ME1: variants seen among roughly 807,000 people sequenced by gnomAD.
ME1 encodes NADP-dependent malic enzyme.
ME1 carries 74 observed loss-of-function variants against 66.4 expected under a neutral mutation model. The ratio of observed to expected loss-of-function variants is 1.11; its 90% CI spans 0.92 to 1.35. The LOEUF (loss-of-function observed/expected upper bound fraction) is 1.35, where lower values mean the gene tolerates loss of function less well. ME1 is among the 40% of genes most tolerant of loss of function. The pLI, the probability that ME1 is intolerant of heterozygous loss-of-function variation, is 0.00. For synonymous variants in ME1, 251 were observed against 235.6 expected (o/e 1.07, Z -0.60); for missense variants, 750 against 694.1 (o/e 1.08, Z -0.90).
chr6:83,229,617 A>G (rs1790260408), intron 9 of ME1, among the ~76,000 whole-genome samples: 2 of 152,216 alleles, frequency 1.3e-5, no homozygotes, highest in African/African-American at 4.8e-5. Context: ...AAGTATAAGT[A>G]TAGTCATTTT....
rs958692011 is a variant in ME1 at position 83,227,398 on chromosome 6, A to G, written c.1212T>C (p.Phe404=). ...MAAFNERPII[F]ALSNPTSKAE... ...CTTTGCTAGTTGGATTACTCAAAGC[A>G]AAAATAATAGGCCGTTCATTGAAGG... Residue 404 remains phenylalanine, a synonymous_variant, in exon 11 of 14, where the codon TTT becomes TTC. Coordinates refer to ENST00000369705, the MANE Select transcript of ME1 (RefSeq NM_002395.6). 1.2e-6 allele frequency: 2 copies of G among 1,607,436 alleles called. No homozygotes were observed. Among genetic ancestry groups the G allele is most frequent in the Non-Finnish European group, 8.5e-7 (1 of 1,175,674 alleles).
chr6:83,405,611 C>T (rs551930350), intron 2 of ME1, among the ~76,000 whole-genome samples: 65 of 152,028 alleles, frequency 4.3e-4, no homozygotes, highest in Non-Finnish European at 5.1e-4. Flanking sequence ...TTCCAGCTTT[C>T]GCCCACTCAG....
At chr6:83,329,903 T>C (rs1583385063) in intron 5 of ME1, among the ~76,000 whole-genome samples, 1 of 152,156 alleles carries the variant, frequency 6.6e-6, no homozygotes, top group Admixed American at 6.6e-5. Flanking sequence ...CAGCTCACTA[T>C]AGCCTCGAAC....
chr6:83,373,126 TTAAA>T (rs1490892096), intron 3 of ME1, among the ~76,000 whole-genome samples: 25 of 152,242 alleles, frequency 1.6e-4, no homozygotes, highest in Non-Finnish European at 7.3e-5. Context: ...TTTATTCCTG[TTAAA>T]TAACCCTCAT....
intron 3 of ME1, among the ~76,000 whole-genome samples, chr6:83,373,032 G>C (rs1046377573): frequency 5.9e-5 from 9 of 152,138 alleles, no homozygotes; most frequent in Non-Finnish European, 1.0e-4. Flanking sequence ...AAAACCTGCA[G>C]ATAAAAATTT....
At chr6:83,396,699 T>C (rs1321630861) in intron 3 of ME1, among the ~76,000 whole-genome samples, 2 of 151,928 alleles carry the variant, frequency 1.3e-5, no homozygotes, top group African/African-American at 4.8e-5. Context: ...AAGCTAGAGG[T>C]ATCATACTAC....
rs1583320841 is a variant in ME1, at chr6:83,211,709, C to T, written c.*215G>A. The T allele has an allele frequency of 2.7e-6, 1 of 368,288 alleles. No individual in the cohort carries two copies. The highest frequency in any genetic ancestry group is 4.8e-6 in the Non-Finnish European group (1 of 207,126). 22.8% of individuals were successfully genotyped at this position (368,288 alleles called of 1,614,324 possible). A position where few individuals can be genotyped will look rare whatever the true frequency, so the allele number is the denominator to read the frequency against. ...GAGAACGTAGGCAGAATAATTCAGA[C>T]AGAAACCATAAATAACCAGAAGGCA... On this transcript the variant is annotated 3_prime_UTR_variant, in exon 14 of 14. Transcript: ENST00000369705.
intron 11 of ME1, among the ~76,000 whole-genome samples, chr6:83,224,547 G>A (rs1790149497): frequency 6.6e-6 from 1 of 151,358 alleles, no homozygotes; most frequent in South Asian, 2.1e-4. Context: ...GCTGGGGAGT[G>A]GTGGTGGGTG....
chr6:83,357,510 T>C (rs1031644710), intron 3 of ME1, among the ~76,000 whole-genome samples: 7 of 152,114 alleles, frequency 4.6e-5, no homozygotes, highest in Non-Finnish European at 1.0e-4. Flanking sequence ...TTTTGAGATA[T>C]CCCAATTGTG....
chr6:83,301,656 CAGA>C lies in ME1; in HGVS notation c.704+13651_704+13653del, dbSNP rs559805775. ...CTGTGCTCAGCCAACAAATATTTTT[CAGA>C]AGAAGATATATATGCAGCCAACAAA... On this transcript the variant is annotated intron_variant, in intron 6 of 13. Transcript: ENST00000369705. 4.0e-4 allele frequency among the ~76,000 whole-genome samples: 61 copies of C among 152,148 alleles called. 2 individuals are homozygous for C. In the South Asian group the frequency reaches 7.5e-3, roughly 19 times the overall value.
At chr6:83,218,143 T>A (rs1790026841) in intron 12 of ME1, among the ~76,000 whole-genome samples, 1 of 152,152 alleles carries the variant, frequency 6.6e-6, no homozygotes, top group African/African-American at 2.4e-5. Context: ...AGGACAAAGA[T>A]ACGTTAACTA....
At chr6:83,230,129 T>G (rs74759113) in intron 9 of ME1, among the ~76,000 whole-genome samples, 1 of 111,690 alleles carries the variant, frequency 9.0e-6, no homozygotes, top group Non-Finnish European at 1.8e-5. Context: ...CCAGGCTCTG[T>G]TTTTTTTTGT....
At chr6:83,292,758 G>C (rs1042119461) in intron 6 of ME1, among the ~76,000 whole-genome samples, 14 of 152,192 alleles carry the variant, frequency 9.2e-5, no homozygotes, top group Non-Finnish European at 1.9e-4. Context: ...AGTAGGCCTT[G>C]CTGAGATGTG....
Position 83,372,984 on chromosome 6 carries a change from C to A in ME1, c.363-20845G>T, listed in dbSNP as rs144781789. On this transcript the variant is annotated intron_variant, in intron 3 of 13. Transcript: ENST00000369705. ...TGAATGTTTTAACATAAATAGAATACTTTCCAAAACTACTAAATATTCCCA... is the reference window on the plus strand; with the variant it reads ...TGAATGTTTTAACATAAATAGAATAATTTCCAAAACTACTAAATATTCCCA... Among the ~76,000 whole-genome samples, 696 of 152,216 alleles carry A rather than the reference C, an allele frequency of 4.6e-3. 2 individuals carry two copies. The highest frequency in any genetic ancestry group is 0.015 in the African/African-American group (638 of 41,526).
intron 5 of ME1, among the ~76,000 whole-genome samples, chr6:83,331,477 C>T (rs1402392983): frequency 6.6e-6 from 1 of 151,664 alleles, no homozygotes; most frequent in Admixed American, 6.6e-5. Context: ...ATCCCAGCTA[C>T]TCAGGAGGCT....
chr6:83,333,961 A>G (rs1364870020), intron 5 of ME1, among the ~76,000 whole-genome samples: 2 of 152,118 alleles, frequency 1.3e-5, no homozygotes, highest in Non-Finnish European at 2.9e-5. Flanking sequence ...GGGGGGGAGG[A>G]GCCAAGATGG....
intron 1 of ME1, among the ~76,000 whole-genome samples, chr6:83,410,248 C>A (rs1043577265): frequency 3.9e-5 from 6 of 151,972 alleles, no homozygotes; most frequent in Non-Finnish European, 8.8e-5. Context: ...ATTTATAATT[C>A]ATTAGAATTT....
chr6:83,255,215 A>C (rs1032811839), intron 6 of ME1, among the ~76,000 whole-genome samples: 1 of 151,070 alleles, frequency 6.6e-6, no homozygotes, highest in African/African-American at 2.4e-5. Context: ...TTCTATGTCT[A>C]TTTGTCATTT....
chr6:83,407,184 A>C (rs1769962336), intron 2 of ME1, among the ~76,000 whole-genome samples: 1 of 152,202 alleles, frequency 6.6e-6, no homozygotes, highest in African/African-American at 2.4e-5. Flanking sequence ...TACCTTAGTA[A>C]GAAAGAGTGG....
Sources: gnomAD v4.1 joint callset for allele counts (sites outside exome capture counted in the v4.1 genomes callset) on GRCh38, gnomAD v4.1.1 for gene constraint, MANE v1.5 for transcripts, NCBI Gene and HGNC (gene_info 2026-07-23, HGNC 2026-07-21) for gene names.